GPC5: variants seen among roughly 807,000 people sequenced by gnomAD.
The protein encoded by GPC5 is glypican-5.
In GPC5, 47 loss-of-function variants were observed where a neutral mutation model predicts 53.9. That is an observed-to-expected ratio of 0.87 (90% CI 0.69 to 1.11). The LOEUF is 1.11. GPC5 is among the 50% of genes most tolerant of loss of function. The pLI, the probability that GPC5 is intolerant of heterozygous loss-of-function variation, is 0.00. For synonymous variants in GPC5, 286 were observed against 263.3 expected, an observed-to-expected ratio of 1.09 and a Z score of -0.84; for missense variants, 748 against 713.1, an observed-to-expected ratio of 1.05 and a Z score of -0.56.
At chr13:92,768,992 A>T (rs1875514506) in intron 7 of GPC5, among the ~76,000 whole-genome samples, 1 of 152,188 alleles carries the variant, frequency 6.6e-6, no homozygotes, top group Admixed American at 6.6e-5. Flanking sequence ...TTGTAGTATC[A>T]TATAAATAAG....
intron 7 of GPC5, chr13:92,447,941 A>G (rs535126591): frequency 3.7e-4 from 56 of 152,212 alleles, no homozygotes; most frequent in Middle Eastern, 3.4e-3. Flanking sequence ...ATTTGTTCGT[A>G]ATTATTCTTT....
intron 5 of GPC5, among the ~76,000 whole-genome samples, chr13:91,882,770 G>C (rs149637124): frequency 0.018 from 1,816 of 98,754 alleles, 13 homozygotes; most frequent in Middle Eastern, 0.056. Context: ...ATTTTTTTTT[G>C]TTTTAACTTT....
At chr13:92,656,986 T>A (rs1658040359) in intron 7 of GPC5, among the ~76,000 whole-genome samples, 1 of 152,116 alleles carries the variant, frequency 6.6e-6, no homozygotes, top group Admixed American at 6.6e-5. Flanking sequence ...AAGGCAAAAG[T>A]TTTTTTGATA....
chr13:91,958,770 T>G (rs1483227141), intron 6 of GPC5, among the ~76,000 whole-genome samples: 1 of 151,990 alleles, frequency 6.6e-6, no homozygotes, highest in Non-Finnish European at 1.5e-5. Context: ...AACATGCTCC[T>G]GAATTACAAC....
chr13:92,641,363 G>A (rs970771477), intron 7 of GPC5, among the ~76,000 whole-genome samples: 4 of 151,790 alleles, frequency 2.6e-5, no homozygotes, highest in African/African-American at 7.3e-5. Flanking sequence ...AGAAACATCC[G>A]GTAAAATTAC....
chr13:91,727,889 G>A (rs1474353299), intron 3 of GPC5, among the ~76,000 whole-genome samples: 1 of 151,990 alleles, frequency 6.6e-6, no homozygotes, highest in African/African-American at 2.4e-5. Context: ...TGATAATTAT[G>A]TAAATTATAC....
chr13:92,644,324 C>T (rs1885695128), intron 7 of GPC5, among the ~76,000 whole-genome samples: 1 of 152,098 alleles, frequency 6.6e-6, no homozygotes. Flanking sequence ...TCTATTTTGA[C>T]ACTGCAATGG....
intron 7 of GPC5, among the ~76,000 whole-genome samples, chr13:92,650,460 C>G (rs183140341): frequency 0.013 from 1,996 of 152,098 alleles, 19 homozygotes; most frequent in Non-Finnish European, 0.02. Flanking sequence ...TGACATGTTA[C>G]CAATTTTAGC....
At chr13:91,552,427 C>G (rs911820292) in intron 2 of GPC5, among the ~76,000 whole-genome samples, 2 of 151,940 alleles carry the variant, frequency 1.3e-5, no homozygotes, top group Non-Finnish European at 2.9e-5. Flanking sequence ...GACACACACA[C>G]AGAAATATAG....
At chr13:91,403,320 C>G (rs1877088714) in intron 1 of GPC5, among the ~76,000 whole-genome samples, 1 of 152,164 alleles carries the variant, frequency 6.6e-6, no homozygotes, top group Non-Finnish European at 1.5e-5. Flanking sequence ...CAAAGGGACT[C>G]TGGAGAGTTT....
intron 7 of GPC5, among the ~76,000 whole-genome samples, chr13:92,383,079 G>A (rs576553727): frequency 6.7e-6 from 1 of 149,982 alleles, no homozygotes; most frequent in Admixed American, 6.6e-5. Context: ...GCAGACAAAA[G>A]CATTCAGTTC....
At chr13:91,932,214 G>A (rs1006414677) in intron 6 of GPC5, among the ~76,000 whole-genome samples, 1 of 152,012 alleles carries the variant, frequency 6.6e-6, no homozygotes, top group Non-Finnish European at 1.5e-5. Flanking sequence ...CTCAACAAAA[G>A]AATGTGTCCC....
intron 2 of GPC5, among the ~76,000 whole-genome samples, chr13:91,692,197 G>A (rs944562417): frequency 1.3e-5 from 2 of 152,118 alleles, no homozygotes; most frequent in African/African-American, 4.8e-5. Context: ...TAAAGTCTTT[G>A]AAGATAAGAT....
intron 7 of GPC5, among the ~76,000 whole-genome samples, chr13:92,644,087 A>G (rs563136929): frequency 1.1e-3 from 170 of 152,264 alleles, no homozygotes; most frequent in Non-Finnish European, 2.0e-3. Flanking sequence ...AAGCCTATTG[A>G]TAATTTGTTA....
In GPC5 at chr13:92,061,452, C is replaced by A. The variant is rs558095819; in HGVS notation, c.1402-83378C>A. Among the ~76,000 whole-genome samples, 29 of 152,060 alleles carry A rather than the reference C, an allele frequency of 1.9e-4. No homozygotes were observed. In the South Asian group the frequency reaches 5.2e-3, roughly 27 times the overall value. On this transcript the variant is annotated intron_variant, in intron 6 of 7. Transcript: ENST00000377067. ...CGTGAAAATGCTAAGAAATTTAGTGCATTTACATAGGCAGCCATCTTATTC... is the reference window on the plus strand; with the variant it reads ...CGTGAAAATGCTAAGAAATTTAGTGAATTTACATAGGCAGCCATCTTATTC...
chr13:92,736,736 C>CCTAA (rs1226149326), intron 7 of GPC5, among the ~76,000 whole-genome samples: 1 of 151,758 alleles, frequency 6.6e-6, no homozygotes, highest in Non-Finnish European at 1.5e-5. Context: ...TGCTTGTCTC[C>CCTAA]CTAACTCCCA....
At position 92,281,709 on chromosome 13, in the gene GPC5, A is replaced by G. The variant is rs182011625; in HGVS notation, c.1561+136720A>G. Among the ~76,000 whole-genome samples the G allele has an allele frequency of 2.6e-5, 4 of 152,340 alleles. No homozygotes were observed. The East Asian group carries it at 7.7e-4, about 29-fold the overall frequency. ...GTCCTGACTGTTAGAAGGAAAACTA[A>G]CCAACAGAAAGGACATCCACACCAA... On this transcript the variant is annotated intron_variant, in intron 7 of 7. Coordinates refer to ENST00000377067, the MANE Select transcript of GPC5 (RefSeq NM_004466.6).
chr13:91,883,987 CAT>C (rs2039295926), intron 5 of GPC5, among the ~76,000 whole-genome samples: 1 of 151,804 alleles, frequency 6.6e-6, no homozygotes, highest in Non-Finnish European at 1.5e-5. Flanking sequence ...AACCAACAAA[CAT>C]ATGAAAAAAA....
chr13:92,151,861 G>A (rs899585236), intron 7 of GPC5, among the ~76,000 whole-genome samples: 3 of 152,064 alleles, frequency 2.0e-5, no homozygotes, highest in Non-Finnish European at 2.9e-5. Flanking sequence ...TATCCAAATG[G>A]GGAGCTTAAA....
Sources: gnomAD v4.1 joint callset for allele counts (sites outside exome capture counted in the v4.1 genomes callset) on GRCh38, gnomAD v4.1.1 for gene constraint, MANE v1.5 for transcripts, NCBI Gene and HGNC (gene_info 2026-07-23, HGNC 2026-07-21) for gene names.